SRRM3: variants seen among roughly 807,000 people sequenced by gnomAD.
The protein encoded by SRRM3 is serine/arginine repetitive matrix 3.
In SRRM3, 27 loss-of-function variants were observed where a neutral mutation model predicts 66.2. That is an observed-to-expected ratio of 0.41 (90% confidence interval 0.30 to 0.56). The LOEUF (loss-of-function observed/expected upper bound fraction) is 0.56. Among genes scored for constraint, SRRM3 ranks in the 20% least tolerant of loss-of-function variants. SRRM3 has a pLI of 0.32. For missense variants in SRRM3, 918 were observed against 991.9 expected (o/e 0.93, Z 1.00); for synonymous variants, 391 against 414.9 (o/e 0.94, Z 0.70).
At chr7:76,203,992 A>C (rs920332683) in intron 1 of SRRM3, among the ~76,000 whole-genome samples, 2 of 151,750 alleles carry the variant, frequency 1.3e-5, no homozygotes. Context: ...GGGTGCCTCT[A>C]CCCCGTCACA....
intron 1 of SRRM3, among the ~76,000 whole-genome samples, chr7:76,225,719 A>G (rs1324286527): frequency 1.3e-5 from 2 of 152,094 alleles, no homozygotes; most frequent in Non-Finnish European, 2.9e-5. Flanking sequence ...TGTCTCTACA[A>G]TAATAATAAT....
At chr7:76,217,667 G>C (rs1222904826) in intron 1 of SRRM3, among the ~76,000 whole-genome samples, 5 of 152,154 alleles carry the variant, frequency 3.3e-5, no homozygotes, top group Admixed American at 6.6e-5. Flanking sequence ...CTGCTTACAG[G>C]CTGGCACAAT....
At chr7:76,246,458 G>A (rs1801442992) in intron 2 of SRRM3, among the ~76,000 whole-genome samples, 1 of 152,106 alleles carries the variant, frequency 6.6e-6, no homozygotes, top group African/African-American at 2.4e-5. Flanking sequence ...CAGCTATTTG[G>A]GTGGCTGAGG....
At chr7:76,265,758 T>C (rs1396985515) in intron 10 of SRRM3, among the ~76,000 whole-genome samples, 2 of 138,140 alleles carry the variant, frequency 1.4e-5, no homozygotes, top group Non-Finnish European at 3.1e-5. Flanking sequence ...TTATATATAA[T>C]TATATATATT....
chr7:76,270,438 G>A (rs1381434882), intron 11 of SRRM3, among the ~76,000 whole-genome samples: 5 of 152,184 alleles, frequency 3.3e-5, no homozygotes, highest in African/African-American at 1.2e-4. Flanking sequence ...CACTTTGGGA[G>A]GCTGAGGGGG....
chr7:76,247,961 C>T (rs1276958171), intron 2 of SRRM3, among the ~76,000 whole-genome samples: 1 of 152,208 alleles, frequency 6.6e-6, no homozygotes, highest in Non-Finnish European at 1.5e-5. Context: ...ACCCAAAGTG[C>T]TGGGATTACA....
intron 1 of SRRM3, among the ~76,000 whole-genome samples, chr7:76,216,522 G>T (rs1236541292): frequency 1.3e-5 from 2 of 152,212 alleles, no homozygotes; most frequent in African/African-American, 4.8e-5. Flanking sequence ...TCAATGGCGA[G>T]TCCCTGGCCT....
intron 12 of SRRM3, 48 bp downstream of exon 12, chr7:76,281,850 G>T (rs1331804251): frequency 2.6e-5 from 26 of 1,003,868 alleles, no homozygotes; most frequent in South Asian, 3.0e-5. Context: ...ACCCCGCACA[G>T]GGCTCCCCTC....
At chr7:76,216,664 G>A (rs769602870) in intron 1 of SRRM3, among the ~76,000 whole-genome samples, 2 of 152,228 alleles carry the variant, frequency 1.3e-5, no homozygotes, top group Non-Finnish European at 1.5e-5. Context: ...ATGGACAGGG[G>A]AATTGCTTTC....
At chr7:76,250,919 G>C (rs1235237715) in intron 3 of SRRM3, among the ~76,000 whole-genome samples, 2 of 152,174 alleles carry the variant, frequency 1.3e-5, no homozygotes, top group Non-Finnish European at 2.9e-5. Context: ...CCCCCACCCA[G>C]GGCCCCTGGC....
In SRRM3 at chr7:76,235,079, G is replaced by T; in HGVS notation, c.13G>T (p.Val5Leu). 6.3e-7 allele frequency: 1 copy of T among 1,579,118 alleles called. No homozygotes were observed. Among genetic ancestry groups the T allele is most frequent in the Admixed American group, 1.8e-5 (1 of 56,002 alleles). Residue 5 changes from valine to leucine, a missense_variant, in exon 2 of 15, where the codon GTG becomes TTG. Coordinates refer to ENST00000611745, the MANE Select transcript of SRRM3 (RefSeq NM_001110199.3). The stretch of plus-strand genomic sequence containing the variant: ...AGGGCCAGCCACGATGTCCTCCACC[G>T]TGAACAACGGGGCGGCCAGCATGCA... MSST[V>L]NNGAASMQST...
At position 76,235,244 on chromosome 7, in the gene SRRM3, A is replaced by G. The variant is rs1390310063; in HGVS notation, c.178A>G (p.Lys60Glu). The change falls in exon 2 of 15, where the codon AAG becomes GAG. Residue 60 changes from lysine to glutamate, a missense_variant. Transcript: ENST00000611745. ...CCGCGAGATCCTGGACCACGAGCGC[A>G]AGCGGCGGGTGGAGCTCAAGTGCAT... is the stretch of plus-strand genomic sequence containing the variant. ...AHREILDHERKRRVELKCMEL... is the reference protein window; with the variant it reads ...AHREILDHERERRVELKCMEL... The G allele has an allele frequency of 2.6e-6, 4 of 1,548,344 alleles. No individual in the cohort carries two copies. Among genetic ancestry groups the G allele is most frequent in the African/African-American group, 2.7e-5 (2 of 73,170 alleles).
At chr7:76,263,099 G>C (rs1260749545) in intron 8 of SRRM3, among the ~76,000 whole-genome samples, 1 of 152,158 alleles carries the variant, frequency 6.6e-6, no homozygotes, top group East Asian at 1.9e-4. Flanking sequence ...AGTGTCTATG[G>C]ATCAGTGTGG....
At chr7:76,277,384 T>C (rs1554611269) in intron 11 of SRRM3, among the ~76,000 whole-genome samples, 3 of 152,186 alleles carry the variant, frequency 2.0e-5, no homozygotes, top group Non-Finnish European at 1.5e-5. Flanking sequence ...TGTTGGCTCC[T>C]TTCTTTGAGT....
intron 1 of SRRM3, among the ~76,000 whole-genome samples, chr7:76,218,310 A>T (rs1345880876): frequency 6.6e-6 from 1 of 152,010 alleles, no homozygotes; most frequent in Non-Finnish European, 1.5e-5. Context: ...TCTGATTTGC[A>T]CCCTCCCGGG....
At chr7:76,221,620 C>A (rs1447866020) in intron 1 of SRRM3, among the ~76,000 whole-genome samples, 5 of 152,278 alleles carry the variant, frequency 3.3e-5, no homozygotes, top group African/African-American at 1.2e-4. Context: ...CCTCGGCCCC[C>A]CAAAGTGCTG....
At chr7:76,237,015 C>T (rs567268781) in intron 2 of SRRM3, among the ~76,000 whole-genome samples, 3 of 152,188 alleles carry the variant, frequency 2.0e-5, no homozygotes, top group South Asian at 2.1e-4. Flanking sequence ...ACGTGGCTCC[C>T]GGCACTTTGG....
intron 11 of SRRM3, among the ~76,000 whole-genome samples, chr7:76,276,951 C>G (rs1554611219): frequency 6.6e-6 from 1 of 152,238 alleles, no homozygotes; most frequent in Non-Finnish European, 1.5e-5. Context: ...CCAGCAAAGA[C>G]TCCGCTTATC....
intron 14 of SRRM3, chr7:76,283,673 G>T: frequency 2.9e-6 from 2 of 689,862 alleles, no homozygotes; most frequent in Non-Finnish European, 4.5e-6. Flanking sequence ...TGGGGGATTT[G>T]GAGGAGGGGG....
Sources: gnomAD v4.1 joint callset for allele counts (sites outside exome capture counted in the v4.1 genomes callset) on GRCh38, gnomAD v4.1.1 for gene constraint, MANE v1.5 for transcripts, NCBI Gene and HGNC (gene_info 2026-07-23, HGNC 2026-07-21) for gene names.